The following NEURL1 variants were observed in gnomAD, a reference collection of about 807,000 sequenced individuals.
NEURL1 encodes the protein neuralized E3 ubiquitin protein ligase 1.
A neutral mutation model predicts 41.2 loss-of-function variants in NEURL1; 26 were observed. That is an observed-to-expected ratio of 0.63 (90% CI 0.46 to 0.87). The LOEUF is 0.87. NEURL1 is among the 40% of genes least tolerant of loss of function. The pLI is 0.00. For missense variants in NEURL1, 761 were observed against 871.1 expected (o/e 0.87, Z 1.59); for synonymous variants, 400 against 402.3 (o/e 0.99, Z 0.07).
intron 1 of NEURL1, among the ~76,000 whole-genome samples, chr10:103,568,810 TTTTTTG>T (rs1159537421): frequency 6.9e-6 from 1 of 144,114 alleles, no homozygotes; most frequent in East Asian, 2.0e-4. Context: ...TCTTGTTTTG[TTTTTTG>T]TTTTTGTTTT....
intron 3 of NEURL1, among the ~76,000 whole-genome samples, chr10:103,579,949 AAAT>A (rs768403784): frequency 2.0e-5 from 3 of 152,066 alleles, no homozygotes; most frequent in Non-Finnish European, 4.4e-5. Context: ...CCGTATCAAA[AAAT>A]AATAATAATA....
intron 1 of NEURL1, among the ~76,000 whole-genome samples, chr10:103,505,865 A>G (rs1313424931): frequency 6.6e-6 from 1 of 152,148 alleles, no homozygotes. Flanking sequence ...GCAGAAAATC[A>G]TTAAGTAGCT....
At chr10:103,587,851 A>G (rs1364907952) in intron 4 of NEURL1, among the ~76,000 whole-genome samples, 1 of 152,172 alleles carries the variant, frequency 6.6e-6, no homozygotes, top group Non-Finnish European at 1.5e-5. Context: ...AGTAAGAGAA[A>G]CCCTGTGGGC....
chr10:103,532,130 T>C lies in NEURL1; in HGVS notation c.85+37658T>C, dbSNP rs1284575256. On this transcript the variant is annotated intron_variant, in intron 1 of 5. Coordinates refer to ENST00000369780, the MANE Select transcript of NEURL1 (RefSeq NM_004210.5). ...TAGCATATAGTTAGGTCATTTATTTTCTTATCCGTTCAGGCAGTGTATGTC... is the reference window on the plus strand; with the variant it reads ...TAGCATATAGTTAGGTCATTTATTTCCTTATCCGTTCAGGCAGTGTATGTC... Among the ~76,000 whole-genome samples the C allele has an allele frequency of 3.3e-5, 5 of 152,242 alleles. No homozygotes were observed. The East Asian group carries it at 5.8e-4, about 18-fold the overall frequency.
intron 1 of NEURL1, among the ~76,000 whole-genome samples, chr10:103,539,213 C>T (rs2034766774): frequency 6.6e-6 from 1 of 152,042 alleles, no homozygotes. Flanking sequence ...TCCCAAATTG[C>T]TGGGATTAAG....
At chr10:103,584,075 G>A (rs1382799237) in intron 3 of NEURL1, among the ~76,000 whole-genome samples, 1 of 152,136 alleles carries the variant, frequency 6.6e-6, no homozygotes, top group Non-Finnish European at 1.5e-5. Flanking sequence ...GTGTTTGCTG[G>A]GGGGTGGTTG....
intron 1 of NEURL1, among the ~76,000 whole-genome samples, chr10:103,524,294 T>A (rs1372588754): frequency 6.6e-6 from 1 of 152,158 alleles, no homozygotes; most frequent in East Asian, 1.9e-4. Flanking sequence ...AGGATTTTTG[T>A]TTGTTTTTTG....
rs751258966 is a variant in NEURL1, at chr10:103,494,442, G to T, written c.55G>T (p.Ala19Ser). The T allele has an allele frequency of 8.8e-6, 14 of 1,596,762 alleles. No individual in the cohort carries two copies. The highest frequency in any genetic ancestry group is 9.4e-6 in the Non-Finnish European group (11 of 1,172,134). Reference sequence around the variant, plus strand: ...GCTGCCCCGAGGAAACCCGAGCCGCGCGCCGCGGGGCCACCCCCAGAACCT... The same window carrying T: ...GCTGCCCCGAGGAAACCCGAGCCGCTCGCCGCGGGGCCACCCCCAGAACCT... ...PSLPRGNPSR[A>S]PRGHPQNLKD... The change falls in exon 1 of 6, where the codon GCG becomes TCG. Residue 19 changes from alanine (A) to serine (S), a missense_variant. Transcript: ENST00000369780.
intron 1 of NEURL1, among the ~76,000 whole-genome samples, chr10:103,562,347 C>T (rs1341153856): frequency 6.6e-6 from 1 of 152,220 alleles, no homozygotes; most frequent in Non-Finnish European, 1.5e-5. Flanking sequence ...CACGCCACGA[C>T]TCTCCACCCT....
At chr10:103,550,731 G>C (rs1037258717) in intron 1 of NEURL1, 3 of 152,260 alleles carry the variant, frequency 2.0e-5, no homozygotes, top group Non-Finnish European at 2.9e-5. Flanking sequence ...AGCAAGAGGG[G>C]CCCCTGCCCG....
chr10:103,509,307 G>A (rs945611630), intron 1 of NEURL1, among the ~76,000 whole-genome samples: 4 of 151,798 alleles, frequency 2.6e-5, no homozygotes, highest in Non-Finnish European at 5.9e-5. Context: ...CACATTCTGA[G>A]AATTGTGTTG....
rs77732150 is a variant in NEURL1, at chr10:103,529,273, C to T, written c.85+34801C>T. Among the ~76,000 whole-genome samples the T allele has an allele frequency of 1.8e-3, 273 of 152,228 alleles. 1 individual carries two copies. The highest frequency in any genetic ancestry group is 5.3e-3 in the African/African-American group (221 of 41,524). ...AAATTGCCTTTGATGGATCTTTGTT[C>T]GATAAGGAATCATGGATTAGACTTT... is the stretch of plus-strand genomic sequence containing the variant. On this transcript the variant is annotated intron_variant, in intron 1 of 5. Transcript: ENST00000369780.
chr10:103,507,898 A>G (rs1026249630), intron 1 of NEURL1, among the ~76,000 whole-genome samples: 1 of 152,144 alleles, frequency 6.6e-6, no homozygotes, highest in African/African-American at 2.4e-5. Flanking sequence ...TCCAGTTCCC[A>G]GCCACACACA....
intron 3 of NEURL1, among the ~76,000 whole-genome samples, chr10:103,579,520 T>C (rs1169509221): frequency 1.3e-5 from 2 of 152,170 alleles, no homozygotes; most frequent in Non-Finnish European, 2.9e-5. Flanking sequence ...TTCCTGACCC[T>C]AGGGCCATTC....
intron 1 of NEURL1, among the ~76,000 whole-genome samples, chr10:103,554,246 C>T (rs1193662795): frequency 6.6e-6 from 1 of 152,194 alleles, no homozygotes; most frequent in East Asian, 1.9e-4. Context: ...CAGTGTCCAC[C>T]TTAAGATTTC....
rs1447616489 is a variant in NEURL1 at position 103,545,032 on chromosome 10, G to A, written c.86-25840G>A. On this transcript the variant is annotated intron_variant, in intron 1 of 5. Coordinates refer to ENST00000369780, the MANE Select transcript of NEURL1 (RefSeq NM_004210.5). This position sits in a 1 kb window ranked among gnomAD's most constrained non-coding sequence, Gnocchi z 4.5. The stretch of plus-strand genomic sequence containing the variant: ...TGGGGTCTCTGAAGGAAGTAATCCC[G>A]AAGAGGGAGGTGTCGGGGGACAGGA... Among the ~76,000 whole-genome samples the A allele has an allele frequency of 4.6e-5, 7 of 152,244 alleles. No individual in the cohort carries two copies. Among genetic ancestry groups the A allele is most frequent in the African/African-American group, 1.7e-4 (7 of 41,468 alleles).
At chr10:103,567,138 C>T (rs114177522) in intron 1 of NEURL1, among the ~76,000 whole-genome samples, 10 of 151,364 alleles carry the variant, frequency 6.6e-5, no homozygotes, top group Middle Eastern at 3.2e-3. Flanking sequence ...TATGTGCCAC[C>T]CTGCCCGGGT....
In NEURL1 at chr10:103,508,760, G is replaced by T. The variant is rs911603551; in HGVS notation, c.85+14288G>T. ...GAATGCCACTCACATGAAAGTTTCGGCCTCAGAGGGCAGCCCGCCAGGAAA... is the reference window on the plus strand; with the variant it reads ...GAATGCCACTCACATGAAAGTTTCGTCCTCAGAGGGCAGCCCGCCAGGAAA... On this transcript the variant is annotated intron_variant, in intron 1 of 5. Coordinates refer to ENST00000369780, the MANE Select transcript of NEURL1 (RefSeq NM_004210.5). The surrounding 1 kb of genome is among the most constrained non-coding windows in gnomAD (Gnocchi z 4.3). 6.6e-6 allele frequency among the ~76,000 whole-genome samples: 1 copy of T among 152,212 alleles called. No individual in the cohort carries two copies. The highest frequency in any genetic ancestry group is 1.5e-5 in the Non-Finnish European group (1 of 68,044).
chr10:103,564,867 G>T (rs1240604290), intron 1 of NEURL1, among the ~76,000 whole-genome samples: 2 of 152,102 alleles, frequency 1.3e-5, no homozygotes, highest in African/African-American at 2.4e-5. Flanking sequence ...CTGCCTCCAA[G>T]ATTTTAATGC....
Sources: allele counts gnomAD v4.1 joint callset (sites outside exome capture counted in the v4.1 genomes callset), GRCh38; gene constraint gnomAD v4.1.1; non-coding constraint Gnocchi (gnomAD v3.1); transcripts MANE v1.5; gene names NCBI Gene and HGNC (gene_info 2026-07-23, HGNC 2026-07-21).